MCPH1: variants seen among roughly 807,000 people sequenced by gnomAD.
MCPH1 encodes microcephalin 1.
Under a neutral mutation model 84.5 loss-of-function variants are expected in MCPH1, and 104 were observed. The observed-to-expected ratio is 1.23, with a 90% CI of 1.05 to 1.45. MCPH1 has a LOEUF of 1.45. MCPH1 is among the 40% of genes most tolerant of loss of function. MCPH1 has a pLI of 0.00. For synonymous variants in MCPH1, 514 were observed against 366.8 expected, an observed-to-expected ratio of 1.40 and a Z score of -4.58; for missense variants, 1,498 against 1,005.7, an observed-to-expected ratio of 1.49 and a Z score of -6.62.
intron 3 of MCPH1, among the ~76,000 whole-genome samples, chr8:6,431,164 T>C (rs1391098950): frequency 6.6e-6 from 1 of 152,196 alleles, no homozygotes; most frequent in Non-Finnish European, 1.5e-5. Context: ...CTGTTTACTA[T>C]TAAATGATCC....
intron 12 of MCPH1, among the ~76,000 whole-genome samples, chr8:6,581,180 C>G (rs1827538779): frequency 6.6e-6 from 1 of 152,140 alleles, no homozygotes; most frequent in Non-Finnish European, 1.5e-5. Flanking sequence ...CCCACAAATA[C>G]CAAGGGACAA....
At chr8:6,613,599 C>G (rs182891712) in intron 12 of MCPH1, among the ~76,000 whole-genome samples, 8 of 149,492 alleles carry the variant, frequency 5.4e-5, no homozygotes, top group African/African-American at 2.0e-4. Flanking sequence ...TGCAGTTCCC[C>G]GGGGAGACAG....
intron 3 of MCPH1, among the ~76,000 whole-genome samples, chr8:6,422,340 G>GA (rs5889169): frequency 6.6e-6 from 1 of 151,930 alleles, no homozygotes; most frequent in African/African-American, 2.4e-5. Flanking sequence ...AAAATGATTT[G>GA]AAAAAAAACT....
intron 13 of MCPH1, among the ~76,000 whole-genome samples, chr8:6,639,049 G>C (rs564608820): frequency 3.9e-5 from 6 of 152,312 alleles, no homozygotes; most frequent in South Asian, 4.1e-4. Context: ...TTTGTTGTGA[G>C]GTTACATGTA....
chr8:6,479,598 C>G (rs1808930301), intron 10 of MCPH1, among the ~76,000 whole-genome samples: 3 of 151,850 alleles, frequency 2.0e-5, no homozygotes, highest in Admixed American at 6.6e-5. Flanking sequence ...CCACGCCCGG[C>G]TAATTTTTTT....
intron 13 of MCPH1, among the ~76,000 whole-genome samples, chr8:6,629,081 T>G (rs963822520): frequency 2.0e-5 from 3 of 152,252 alleles, no homozygotes; most frequent in African/African-American, 2.4e-5. Flanking sequence ...CATGATTGTA[T>G]CTGGAGCTAG....
intron 12 of MCPH1, among the ~76,000 whole-genome samples, chr8:6,571,500 T>C (rs1826658859): frequency 6.6e-6 from 1 of 152,216 alleles, no homozygotes; most frequent in East Asian, 1.9e-4. Context: ...CTAATAAAGA[T>C]CTAAATTTCT....
At chr8:6,455,514 A>G (rs1422658120) in intron 9 of MCPH1, among the ~76,000 whole-genome samples, 1 of 152,230 alleles carries the variant, frequency 6.6e-6, no homozygotes, top group African/African-American at 2.4e-5. Flanking sequence ...GCTTCTCTCA[A>G]GCAGAGAATG....
chr8:6,436,165 A>G lies in MCPH1; in HGVS notation c.436+3A>G. 6.2e-7 allele frequency: 1 copy of G among 1,612,568 alleles called. No individual in the cohort carries two copies. Among genetic ancestry groups the G allele is most frequent in the East Asian group, 2.2e-5 (1 of 44,808 alleles). On this transcript the variant is annotated splice_donor_region_variant and intron_variant, in intron 5 of 13. Coordinates refer to ENST00000344683, the MANE Select transcript of MCPH1 (RefSeq NM_024596.5). ...ACAAAGGCAAAAAACAAATCTAGGT[A>G]AGCTAAGAAATATAATACAGTTCTT...
intron 12 of MCPH1, among the ~76,000 whole-genome samples, chr8:6,584,778 A>G (rs1827838359): frequency 6.6e-6 from 1 of 152,244 alleles, no homozygotes; most frequent in Non-Finnish European, 1.5e-5. Flanking sequence ...GACAAGGTTT[A>G]GCTATTTGGG....
intron 13 of MCPH1, chr8:6,634,826 T>G (rs1435688840): frequency 6.6e-6 from 1 of 152,232 alleles, no homozygotes; most frequent in Admixed American, 6.5e-5. Flanking sequence ...ACTTCATTAG[T>G]TGAGCCTGTA....
intron 3 of MCPH1, among the ~76,000 whole-genome samples, chr8:6,429,441 G>A (rs1475923928): frequency 1.3e-5 from 2 of 151,756 alleles, no homozygotes; most frequent in Admixed American, 6.6e-5. Context: ...CTTCACCTGC[G>A]CCTCCTGCCC....
intron 9 of MCPH1, among the ~76,000 whole-genome samples, chr8:6,459,298 T>G (rs193153759): frequency 7.7e-6 from 1 of 129,554 alleles, no homozygotes; most frequent in Non-Finnish European, 1.6e-5. Context: ...TTGTTTGAGA[T>G]GGAGTCTCGC....
intron 12 of MCPH1, among the ~76,000 whole-genome samples, chr8:6,536,355 G>A (rs564001301): frequency 2.3e-3 from 355 of 152,162 alleles, no homozygotes; most frequent in Non-Finnish European, 3.7e-3. Flanking sequence ...ATGACCCTCA[G>A]CAAAATGTTA....
chr8:6,541,521 G>T (rs1052393346), intron 12 of MCPH1, among the ~76,000 whole-genome samples: 2 of 152,196 alleles, frequency 1.3e-5, no homozygotes, highest in African/African-American at 4.8e-5. Flanking sequence ...GGAGTGAGAT[G>T]AGGTTGCAGC....
intron 9 of MCPH1, among the ~76,000 whole-genome samples, chr8:6,474,738 C>A (rs1471916194): frequency 6.6e-6 from 1 of 152,096 alleles, no homozygotes; most frequent in Non-Finnish European, 1.5e-5. Flanking sequence ...GTGGCTCATG[C>A]CTATAATCCT....
chr8:6,484,779 G>A (rs1809659354), intron 11 of MCPH1, among the ~76,000 whole-genome samples: 1 of 152,200 alleles, frequency 6.6e-6, no homozygotes, highest in Non-Finnish European at 1.5e-5. Flanking sequence ...GTCACATGCT[G>A]TATAAGGCCA....
intron 3 of MCPH1, 96 bp downstream of exon 3, chr8:6,414,979 A>AT: frequency 1.6e-6 from 2 of 1,287,162 alleles, no homozygotes; most frequent in South Asian, 2.5e-5. Flanking sequence ...ATAAAGTTTG[A>AT]TTTTCATCTT....
intron 8 of MCPH1, chr8:6,446,564 T>C (rs1804405372): frequency 1.0e-6 from 1 of 982,702 alleles, no homozygotes; most frequent in African/African-American, 1.7e-5. Context: ...GACAAGAAAC[T>C]GTATTTTATG....
Sources: gnomAD v4.1 joint callset for allele counts (sites outside exome capture counted in the v4.1 genomes callset) on GRCh38, gnomAD v4.1.1 for gene constraint, MANE v1.5 for transcripts, NCBI Gene and HGNC (gene_info 2026-07-23, HGNC 2026-07-21) for gene names.